Variants in PAPPA2 observed in about 807,000 individuals in gnomAD.
The protein encoded by PAPPA2 is pappalysin-2.
In PAPPA2, 86 loss-of-function variants were observed where a neutral mutation model predicts 176.4. The ratio of observed to expected loss-of-function variants is 0.49; its 90% CI spans 0.41 to 0.58. The LOEUF (loss-of-function observed/expected upper bound fraction) is 0.58. Ranked by LOEUF, PAPPA2 falls within the 20% of genes least tolerant of loss-of-function variation. The pLI, the probability that PAPPA2 is intolerant of heterozygous loss-of-function variation, is 0.00. For synonymous variants in PAPPA2, 809 were observed against 852.2 expected (o/e 0.95, Z 0.88); for missense variants, 2,073 against 2,256.9 (o/e 0.92, Z 1.65).
intron 14 of PAPPA2, among the ~76,000 whole-genome samples, chr1:176,742,427 ACTT>A (rs1370189296): frequency 5.9e-5 from 9 of 152,134 alleles, no homozygotes; most frequent in African/African-American, 2.2e-4. Flanking sequence ...CTAGTTCTTC[ACTT>A]CTTCTCATGT....
At chr1:176,703,048 C>A (rs1309090434) in intron 9 of PAPPA2, among the ~76,000 whole-genome samples, 1 of 152,032 alleles carries the variant, frequency 6.6e-6, no homozygotes, top group Non-Finnish European at 1.5e-5. Flanking sequence ...CCTTTTATGG[C>A]CTCAGCAAGC....
intron 3 of PAPPA2, among the ~76,000 whole-genome samples, chr1:176,608,922 G>A (rs1009261048): frequency 1.3e-5 from 2 of 152,124 alleles, no homozygotes; most frequent in Non-Finnish European, 2.9e-5. Context: ...TCAGTGGAGG[G>A]ATGATCAGGG....
chr1:176,765,880 A>G lies in PAPPA2; in HGVS notation c.4323+43A>G, dbSNP rs865836484. On this transcript the variant is annotated intron_variant, in intron 15 of 22. Transcript: ENST00000367662. Reference sequence around the variant, plus strand: ...TATCACCAGGACCAAGTTCCTGGGAAGGGGAGGTATTCACACTCTTCTCTC... The same window carrying G: ...TATCACCAGGACCAAGTTCCTGGGAGGGGGAGGTATTCACACTCTTCTCTC... The G allele has an allele frequency of 5.6e-6, 9 of 1,600,982 alleles. No homozygotes were observed. In the Middle Eastern group the frequency reaches 5.9e-4, roughly 105 times the overall value.
At chr1:176,836,664 C>T (rs1186793488) in intron 21 of PAPPA2, 2 of 152,162 alleles carry the variant, frequency 1.3e-5, no homozygotes, top group East Asian at 3.9e-4. Context: ...CAGAACCATC[C>T]AGTCCTAAGC....
chr1:176,829,531 C>T (rs1269297996), intron 21 of PAPPA2, among the ~76,000 whole-genome samples: 1 of 152,206 alleles, frequency 6.6e-6, no homozygotes, highest in Non-Finnish European at 1.5e-5. Flanking sequence ...CTGCCTCAGC[C>T]TCCCATGAAC....
chr1:176,689,397 G>C (rs1332073434), intron 4 of PAPPA2, among the ~76,000 whole-genome samples: 1 of 152,178 alleles, frequency 6.6e-6, no homozygotes, highest in African/African-American at 2.4e-5. Flanking sequence ...TTTAGGGGCA[G>C]TGAGGGTGGG....
chr1:176,725,799 G>A (rs896737166), intron 12 of PAPPA2, among the ~76,000 whole-genome samples: 18 of 151,394 alleles, frequency 1.2e-4, no homozygotes, highest in Admixed American at 4.6e-4. Flanking sequence ...TCTTTTTTTT[G>A]AGACGGAGTC....
At chr1:176,496,247 A>G (rs1347155185) in intron 1 of PAPPA2, among the ~76,000 whole-genome samples, 3 of 152,210 alleles carry the variant, frequency 2.0e-5, no homozygotes, top group Non-Finnish European at 4.4e-5. Context: ...TGTTTTTAAT[A>G]TGGGTAGTAG....
At chr1:176,794,113 TG>T (rs1665315244) in intron 20 of PAPPA2, among the ~76,000 whole-genome samples, 1 of 152,194 alleles carries the variant, frequency 6.6e-6, no homozygotes. Context: ...TGCCTTGCTC[TG>T]GGGGTTCTGC....
intron 2 of PAPPA2, among the ~76,000 whole-genome samples, chr1:176,578,305 C>T (rs1243866543): frequency 6.6e-6 from 1 of 152,162 alleles, no homozygotes; most frequent in African/African-American, 2.4e-5. Context: ...TGTGAAAAAG[C>T]TCATCTAACG....
chr1:176,664,280 G>T (rs917574170), intron 3 of PAPPA2, among the ~76,000 whole-genome samples: 11 of 152,182 alleles, frequency 7.2e-5, no homozygotes, highest in African/African-American at 2.4e-4. Flanking sequence ...CAACAAGGCT[G>T]CATGCCTTTG....
chr1:176,666,554 A>ACT (rs1658650531), intron 3 of PAPPA2, among the ~76,000 whole-genome samples: 1 of 133,438 alleles, frequency 7.5e-6, no homozygotes, highest in African/African-American at 2.9e-5. Flanking sequence ...TAAGGAAGTA[A>ACT]ATATATATGT....
chr1:176,681,560 A>T (rs1659587797), intron 4 of PAPPA2, among the ~76,000 whole-genome samples: 1 of 152,180 alleles, frequency 6.6e-6, no homozygotes, highest in Non-Finnish European at 1.5e-5. Flanking sequence ...TAAAATGGGG[A>T]TAATAAGCAT....
At chr1:176,551,801 T>C (rs1358672591) in intron 1 of PAPPA2, among the ~76,000 whole-genome samples, 3 of 152,110 alleles carry the variant, frequency 2.0e-5, no homozygotes, top group African/African-American at 2.4e-5. Flanking sequence ...AGGAAGGGGC[T>C]GTGAAGAATG....
intron 2 of PAPPA2, among the ~76,000 whole-genome samples, chr1:176,562,788 T>A (rs1286364178): frequency 6.6e-6 from 1 of 152,186 alleles, no homozygotes; most frequent in Non-Finnish European, 1.5e-5. Context: ...CATCTTTGTG[T>A]AGAAGGTTTT....
chr1:176,637,722 A>G (rs576809458), intron 3 of PAPPA2, among the ~76,000 whole-genome samples: 1 of 152,254 alleles, frequency 6.6e-6, no homozygotes, highest in South Asian at 2.1e-4. Context: ...TATGTTTTGC[A>G]TGGGTACTAT....
chr1:176,803,953 T>C (rs866458861), intron 21 of PAPPA2, among the ~76,000 whole-genome samples: 1 of 152,178 alleles, frequency 6.6e-6, no homozygotes, highest in East Asian at 1.9e-4. Flanking sequence ...TGATCTAGGA[T>C]TGAATATTTG....
In PAPPA2 at chr1:176,504,869, G is replaced by A. The variant is rs143436663; in HGVS notation, c.-917+41451G>A. Reference sequence around the variant, plus strand: ...CAGATGGGTACTACTCCTTCAGATGGATGATGAAATGAAGATAATACGGAA... The same window carrying A: ...CAGATGGGTACTACTCCTTCAGATGAATGATGAAATGAAGATAATACGGAA... On this transcript the variant is annotated intron_variant, in intron 1 of 22. Coordinates refer to ENST00000367662, the MANE Select transcript of PAPPA2 (RefSeq NM_020318.3). Among the ~76,000 whole-genome samples the A allele has an allele frequency of 4.0e-3, 608 of 152,184 alleles. 5 individuals carry two copies. The highest frequency in any genetic ancestry group is 0.014 in the African/African-American group (588 of 41,520).
chr1:176,623,741 TCTC>T lies in PAPPA2; in HGVS notation c.1991+28147_1991+28149del, dbSNP rs1573146898. Among the ~76,000 whole-genome samples, 3 of 141,576 alleles carry T rather than the reference TCTC, an allele frequency of 2.1e-5. No homozygotes were observed. The East Asian group carries it at 6.1e-4, about 29-fold the overall frequency. The allele number at this position is 141,576 out of a possible 152,430, so 92.9% of individuals were successfully genotyped here. A position where few individuals can be genotyped will look rare whatever the true frequency, so the allele number is the denominator to read the frequency against. ...TTCTTTCTTTCTCTTTCTTTCTTTC[TCTC>T]TCTTTCCTTCCTTCCTTTCTTTCTT... On this transcript the variant is annotated intron_variant, in intron 3 of 22. Transcript: ENST00000367662.
Sources: allele counts gnomAD v4.1 joint callset (sites outside exome capture counted in the v4.1 genomes callset), GRCh38; gene constraint gnomAD v4.1.1; transcripts MANE v1.5; gene names NCBI Gene and HGNC (gene_info 2026-07-23, HGNC 2026-07-21).